The following ANKDD1B variants were observed in gnomAD, a reference collection of about 807,000 sequenced individuals.
The protein encoded by ANKDD1B is ankyrin repeat and death domain-containing protein 1B.
In ANKDD1B, 57 loss-of-function variants were observed where a neutral mutation model predicts 59.7. That is an observed-to-expected ratio of 0.95 (90% CI 0.77 to 1.19). The LOEUF is 1.19. Ranked by LOEUF, ANKDD1B falls within the 50% of genes most tolerant of loss-of-function variation. The pLI, the probability that ANKDD1B is intolerant of heterozygous loss-of-function variation, is 0.00. For missense variants in ANKDD1B, 602 were observed against 641.9 expected (o/e 0.94, Z 0.67); for synonymous variants, 216 against 239.5 (o/e 0.90, Z 0.91).
intron 13 of ANKDD1B, among the ~76,000 whole-genome samples, chr5:75,670,671 A>G (rs940866248): frequency 3.9e-5 from 6 of 152,190 alleles, no homozygotes; most frequent in African/African-American, 1.2e-4. Context: ...TATTCTTCCT[A>G]TGAAAGAGGT....
At chr5:75,664,555 A>G (rs535640939) in intron 11 of ANKDD1B, among the ~76,000 whole-genome samples, 1 of 152,142 alleles carries the variant, frequency 6.6e-6, no homozygotes, top group South Asian at 2.1e-4. Context: ...TTAAATTATC[A>G]TTGTATTTTA....
Position 75,611,457 on chromosome 5 carries a change from C to T in ANKDD1B, c.-178C>T, listed in dbSNP as rs1192564362. 4 of 437,990 alleles carry T rather than the reference C, an allele frequency of 9.1e-6. No homozygotes were observed. Among genetic ancestry groups the T allele is most frequent in the African/African-American group, 8.1e-5 (4 of 49,268 alleles). 27.1% of individuals were successfully genotyped at this position (437,990 alleles called of 1,614,324 possible). On this transcript the variant is annotated 5_prime_UTR_variant, in exon 1 of 14. Coordinates refer to ENST00000601380, the MANE Select transcript of ANKDD1B (RefSeq NM_001276713.2). The stretch of plus-strand genomic sequence containing the variant: ...AGGGCTGGAAACTAGGGGCTTGTTG[C>T]CCAGCGAACCGCCACAACAGAGAGC...
chr5:75,654,454 G>C (rs1259634842), intron 8 of ANKDD1B, among the ~76,000 whole-genome samples: 1 of 152,140 alleles, frequency 6.6e-6, no homozygotes, highest in African/African-American at 2.4e-5. Flanking sequence ...TGTCAGCCTG[G>C]TGTTTAAAAC....
At position 75,613,978 on chromosome 5, in the gene ANKDD1B, A is replaced by G. The variant is rs184303584; in HGVS notation, c.193+2151A>G. 4.6e-5 allele frequency among the ~76,000 whole-genome samples: 7 copies of G among 152,316 alleles called. 1 individual carries two copies. The highest frequency in any genetic ancestry group is 1.3e-4 in the Admixed American group (2 of 15,306). ...CTGTCTTTACATTTAAAAGAAAGAT[A>G]TATTTCTTGTTCGTGTAGCATGTCC... On this transcript the variant is annotated intron_variant, in intron 1 of 13. Coordinates refer to ENST00000601380, the MANE Select transcript of ANKDD1B (RefSeq NM_001276713.2).
At chr5:75,613,713 C>T (rs1288820296) in intron 1 of ANKDD1B, among the ~76,000 whole-genome samples, 1 of 152,164 alleles carries the variant, frequency 6.6e-6, no homozygotes, top group African/African-American at 2.4e-5. Flanking sequence ...GCTAGCTAGT[C>T]GTGCTGAGAT....
At position 75,616,833 on chromosome 5, in the gene ANKDD1B, G is replaced by T. The variant is rs1446139449; in HGVS notation, c.223G>T (p.Ala75Ser). Residue 75 changes from alanine to serine, a missense_variant, in exon 2 of 14, where the codon GCT (alanine) becomes TCT (serine). By Grantham distance (99) the Ala-to-Ser change is moderately conservative. Coordinates refer to ENST00000601380, the MANE Select transcript of ANKDD1B (RefSeq NM_001276713.2). ...LLPNERSFQN[A>S]AKSNNLDLME... Reference sequence around the variant, plus strand: ...CCCAAATGAGAGAAGCTTTCAGAATGCTGCTAAAAGCAATAATTTGGATCT... The same window carrying T: ...CCCAAATGAGAGAAGCTTTCAGAATTCTGCTAAAAGCAATAATTTGGATCT... 6.5e-6 allele frequency: 10 copies of T among 1,528,594 alleles called. No homozygotes were observed. The highest frequency in any genetic ancestry group is 8.8e-6 in the Non-Finnish European group (10 of 1,140,698). 94.7% of individuals were successfully genotyped at this position (1,528,594 alleles called of 1,614,324 possible).
At chr5:75,621,547 T>C (rs555037851) in intron 3 of ANKDD1B, among the ~76,000 whole-genome samples, 7 of 152,304 alleles carry the variant, frequency 4.6e-5, no homozygotes, top group African/African-American at 1.7e-4. Context: ...ATTTTATTTG[T>C]TTTGGTGGCA....
intron 5 of ANKDD1B, among the ~76,000 whole-genome samples, chr5:75,631,263 C>T (rs996996340): frequency 3.3e-5 from 5 of 152,178 alleles, no homozygotes; most frequent in African/African-American, 9.6e-5. Flanking sequence ...CTAACAAAAG[C>T]ACTTACCTTC....
At chr5:75,640,889 A>G (rs1443509110) in intron 7 of ANKDD1B, among the ~76,000 whole-genome samples, 2 of 152,248 alleles carry the variant, frequency 1.3e-5, no homozygotes. Context: ...CTCAAAAGCA[A>G]TGCCATTCTT....
intron 5 of ANKDD1B, among the ~76,000 whole-genome samples, chr5:75,629,944 G>C (rs1484097726): frequency 6.6e-6 from 1 of 152,116 alleles, no homozygotes; most frequent in Admixed American, 6.5e-5. Context: ...TTATAATTAG[G>C]TTAAATAGAC....
rs1003269922 is a variant in ANKDD1B, at chr5:75,669,710, T to G, written c.1525+327T>G. Among the ~76,000 whole-genome samples the G allele has an allele frequency of 2.6e-5, 4 of 152,172 alleles. 1 individual carries two copies. The highest frequency in any genetic ancestry group is 2.0e-4 in the Admixed American group (3 of 15,278). The stretch of plus-strand genomic sequence containing the variant: ...GAAGTGCTAAACTATCCCATACAGT[T>G]ATAGGATTGTTCTCCACGACTAAGA... On this transcript the variant is annotated intron_variant, in intron 13 of 13. Coordinates refer to ENST00000601380, the MANE Select transcript of ANKDD1B (RefSeq NM_001276713.2).
At chr5:75,631,939 C>G (rs1193068015) in intron 5 of ANKDD1B, among the ~76,000 whole-genome samples, 1 of 151,856 alleles carries the variant, frequency 6.6e-6, no homozygotes. Flanking sequence ...AATCCCGTCT[C>G]TACTAAAAAT....
At chr5:75,641,614 C>G (rs1261582522) in intron 7 of ANKDD1B, among the ~76,000 whole-genome samples, 1 of 152,162 alleles carries the variant, frequency 6.6e-6, no homozygotes, top group Non-Finnish European at 1.5e-5. Context: ...ACCTTGGTTT[C>G]TTTTGATTGC....
intron 7 of ANKDD1B, among the ~76,000 whole-genome samples, chr5:75,649,080 G>A (rs574355937): frequency 2.1e-4 from 32 of 152,144 alleles, no homozygotes; most frequent in Middle Eastern, 6.8e-3. Flanking sequence ...CCTATTAACT[G>A]CCCTGGGTCC....
intron 7 of ANKDD1B, among the ~76,000 whole-genome samples, chr5:75,645,276 C>T (rs1290422012): frequency 8.3e-6 from 1 of 119,886 alleles, no homozygotes; most frequent in Non-Finnish European, 1.6e-5. Context: ...AATAGAGACA[C>T]AGAAAACCCT....
chr5:75,668,297 A>G (rs986844285), intron 12 of ANKDD1B, among the ~76,000 whole-genome samples: 1 of 152,034 alleles, frequency 6.6e-6, no homozygotes, highest in Non-Finnish European at 1.5e-5. Context: ...CACAATAACA[A>G]TGACACTTGC....
At chr5:75,631,642 G>A (rs1347436622) in intron 5 of ANKDD1B, among the ~76,000 whole-genome samples, 1 of 152,128 alleles carries the variant, frequency 6.6e-6, no homozygotes, top group Non-Finnish European at 1.5e-5. Flanking sequence ...GCTCATCTGG[G>A]GGTCCAAAGA....
intron 1 of ANKDD1B, among the ~76,000 whole-genome samples, chr5:75,616,009 G>A (rs1001533698): frequency 9.2e-5 from 14 of 152,206 alleles, no homozygotes; most frequent in African/African-American, 3.4e-4. Context: ...TAAAAAACAA[G>A]GAAACCCTTA....
chr5:75,623,757 A>G (rs1773918134), intron 3 of ANKDD1B, among the ~76,000 whole-genome samples: 1 of 152,094 alleles, frequency 6.6e-6, no homozygotes, highest in Non-Finnish European at 1.5e-5. Flanking sequence ...AGGTGCCAAT[A>G]TTAACCTCCC....
Sources: allele counts gnomAD v4.1 joint callset (sites outside exome capture counted in the v4.1 genomes callset), GRCh38; gene constraint gnomAD v4.1.1; transcripts MANE v1.5; gene names NCBI Gene and HGNC (gene_info 2026-07-23, HGNC 2026-07-21).